LRFN5: variants seen among roughly 807,000 people sequenced by gnomAD.
LRFN5 encodes the protein leucine-rich repeat and fibronectin type-III domain-containing protein 5.
A neutral mutation model predicts 45.6 loss-of-function variants in LRFN5; 24 were observed. The observed-to-expected ratio is 0.53, with a 90% confidence interval of 0.38 to 0.74. The LOEUF is 0.74. Ranked by LOEUF, LRFN5 falls within the 30% of genes least tolerant of loss-of-function variation. The pLI is 0.00. For synonymous variants in LRFN5, 340 were observed against 313.8 expected (o/e 1.08, Z -0.88); for missense variants, 776 against 861.5 (o/e 0.90, Z 1.24).
intron 2 of LRFN5, among the ~76,000 whole-genome samples, chr14:41,779,492 A>G (rs1232339245): frequency 1.3e-5 from 2 of 151,922 alleles, no homozygotes; most frequent in African/African-American, 2.4e-5. Context: ...TTCACATAGA[A>G]TGAGTTAAGA....
chr14:41,616,335 C>T (rs151064216), intron 1 of LRFN5, among the ~76,000 whole-genome samples: 1 of 152,102 alleles, frequency 6.6e-6, no homozygotes, highest in African/African-American at 2.4e-5. Flanking sequence ...CTGCTAACCA[C>T]TTCTCCTTTA....
At chr14:41,899,515 A>AG (rs947688834) in intron 5 of LRFN5, among the ~76,000 whole-genome samples, 1 of 152,034 alleles carries the variant, frequency 6.6e-6, no homozygotes, top group Non-Finnish European at 1.5e-5. Context: ...TGGTTTTTTT[A>AG]GGGGGGATGT....
intron 2 of LRFN5, among the ~76,000 whole-genome samples, chr14:41,809,349 C>G (rs955030232): frequency 6.6e-6 from 1 of 151,796 alleles, no homozygotes; most frequent in African/African-American, 2.4e-5. Context: ...TGTATTATAT[C>G]TAAAATAGTA....
chr14:41,859,814 T>TA (rs1889599412), intron 2 of LRFN5, among the ~76,000 whole-genome samples: 2 of 152,350 alleles, frequency 1.3e-5, no homozygotes, highest in African/African-American at 4.8e-5. Flanking sequence ...TGTTATACCT[T>TA]AATACTCTCT....
At chr14:41,650,263 AC>A (rs1444011784) in intron 1 of LRFN5, among the ~76,000 whole-genome samples, 78 of 145,612 alleles carry the variant, frequency 5.4e-4, no homozygotes, top group African/African-American at 8.9e-4. Flanking sequence ...ACACACACAC[AC>A]ACAAAAAAAA....
chr14:41,611,070 A>C (rs751554621), intron 1 of LRFN5, among the ~76,000 whole-genome samples: 17 of 152,106 alleles, frequency 1.1e-4, no homozygotes, highest in Non-Finnish European at 2.1e-4. Context: ...GCCTTTTCCC[A>C]CTAAGGACTC....
intron 1 of LRFN5, among the ~76,000 whole-genome samples, chr14:41,690,536 C>T (rs1882333221): frequency 6.6e-6 from 1 of 152,034 alleles, no homozygotes; most frequent in African/African-American, 2.4e-5. Context: ...GCCTAGGTGA[C>T]AAAGCAACAC....
chr14:41,699,940 C>T (rs1826207957), intron 1 of LRFN5: 1 of 152,016 alleles, frequency 6.6e-6, no homozygotes, highest in South Asian at 2.1e-4. Flanking sequence ...GCTCCTCCAT[C>T]TTGAGAGAAT....
At chr14:41,618,148 C>T (rs1887986148) in intron 1 of LRFN5, among the ~76,000 whole-genome samples, 1 of 152,180 alleles carries the variant, frequency 6.6e-6, no homozygotes, top group Admixed American at 6.5e-5. Context: ...AAAATCTGGG[C>T]TTAATTCTAG....
intron 2 of LRFN5, among the ~76,000 whole-genome samples, chr14:41,853,962 C>T (rs944490615): frequency 1.3e-5 from 2 of 152,092 alleles, no homozygotes; most frequent in African/African-American, 4.8e-5. Flanking sequence ...TTAGAAAACT[C>T]GTTTAATTGT....
intron 1 of LRFN5, among the ~76,000 whole-genome samples, chr14:41,721,105 T>C (rs1437155017): frequency 6.6e-6 from 1 of 152,208 alleles, no homozygotes; most frequent in African/African-American, 2.4e-5. Flanking sequence ...TAAGTACTCT[T>C]GTTGATTTCA....
chr14:41,608,810 T>G (rs1887609734), intron 1 of LRFN5, among the ~76,000 whole-genome samples: 1 of 152,158 alleles, frequency 6.6e-6, no homozygotes, highest in Non-Finnish European at 1.5e-5. Flanking sequence ...CCTGAGGATA[T>G]TTTTTGAGAG....
chr14:41,823,643 A>C (rs1159762001), intron 2 of LRFN5, among the ~76,000 whole-genome samples: 8 of 152,050 alleles, frequency 5.3e-5, no homozygotes, highest in Admixed American at 4.6e-4. Context: ...CTTGCAATGT[A>C]TTTTTCAGTA....
At chr14:41,808,583 A>G (rs1594428558) in intron 2 of LRFN5, among the ~76,000 whole-genome samples, 1 of 138,708 alleles carries the variant, frequency 7.2e-6, no homozygotes, top group East Asian at 2.6e-4. Flanking sequence ...GGAAGGAAGG[A>G]AGGAAGGAAG....
At chr14:41,852,347 T>C (rs79139703) in intron 2 of LRFN5, among the ~76,000 whole-genome samples, 4,212 of 151,928 alleles carry the variant, frequency 0.028, 85 homozygotes, top group African/African-American at 0.058. Context: ...ACCATCAACA[T>C]TAAAGCGAAA....
chr14:41,840,200 A>G (rs1386066800), intron 2 of LRFN5, among the ~76,000 whole-genome samples: 1 of 152,100 alleles, frequency 6.6e-6, no homozygotes, highest in Non-Finnish European at 1.5e-5. Context: ...TACGCTGATT[A>G]TATGACCTTC....
At chr14:41,863,789 C>T (rs572390403) in intron 2 of LRFN5, among the ~76,000 whole-genome samples, 2 of 152,264 alleles carry the variant, frequency 1.3e-5, no homozygotes, top group South Asian at 4.1e-4. Context: ...ACCCATCAAA[C>T]TGTCATCTAC....
At chr14:41,888,095 C>T (rs1323988619) in intron 3 of LRFN5, 85 bp downstream of exon 3, 3 of 1,021,216 alleles carry the variant, frequency 2.9e-6, no homozygotes, top group Non-Finnish European at 4.3e-6. Flanking sequence ...TTTTAATTGG[C>T]AGTGCTGTTC....
At chr14:41,854,949 G>A (rs533820590) in intron 2 of LRFN5, among the ~76,000 whole-genome samples, 10 of 152,266 alleles carry the variant, frequency 6.6e-5, no homozygotes, top group African/African-American at 1.7e-4. Context: ...GCAAGGAACC[G>A]TGACTGCAGA....
Sources: allele counts gnomAD v4.1 joint callset (sites outside exome capture counted in the v4.1 genomes callset), GRCh38; gene constraint gnomAD v4.1.1; transcripts MANE v1.5; gene names NCBI Gene and HGNC (gene_info 2026-07-23, HGNC 2026-07-21).